The following TBC1D5 variants were observed in gnomAD, a reference collection of about 807,000 sequenced individuals.
The protein encoded by TBC1D5 is TBC1 domain family member 5, also known as TBC1 domain family, member 5.
In TBC1D5, 75 loss-of-function variants were observed where a neutral mutation model predicts 100.3. The ratio of observed to expected loss-of-function variants is 0.75; its 90% CI spans 0.62 to 0.91. TBC1D5 has a LOEUF of 0.91. TBC1D5 is among the 40% of genes least tolerant of loss of function. The pLI is 0.00. For synonymous variants in TBC1D5, 323 were observed against 325.6 expected, an observed-to-expected ratio of 0.99 and a Z score of 0.09; for missense variants, 910 against 942.4, an observed-to-expected ratio of 0.97 and a Z score of 0.45.
chr3:17,479,162 T>G (rs1169186974), intron 3 of TBC1D5, among the ~76,000 whole-genome samples: 1 of 152,118 alleles, frequency 6.6e-6, no homozygotes, highest in African/African-American at 2.4e-5. Flanking sequence ...GCTTTTGGGG[T>G]GGCAGAGGCA....
chr3:17,726,133 T>G (rs1054577969), intron 1 of TBC1D5, among the ~76,000 whole-genome samples: 1 of 152,232 alleles, frequency 6.6e-6, no homozygotes, highest in African/African-American at 2.4e-5. Context: ...ACATGTAAGT[T>G]GATTCCATGT....
chr3:17,511,569 GAAGAA>G (rs1345548751), intron 2 of TBC1D5, among the ~76,000 whole-genome samples: 1 of 151,926 alleles, frequency 6.6e-6, no homozygotes, highest in African/African-American at 2.4e-5. Flanking sequence ...TATGTTGTCA[GAAGAA>G]AATACTCTAC....
chr3:17,523,883 C>T (rs1447754264), intron 2 of TBC1D5, among the ~76,000 whole-genome samples: 1 of 152,018 alleles, frequency 6.6e-6, no homozygotes, highest in Non-Finnish European at 1.5e-5. Flanking sequence ...TAAAGAGAAA[C>T]ATAGTTTATC....
chr3:17,514,226 A>G (rs115515680), intron 2 of TBC1D5, among the ~76,000 whole-genome samples: 5,258 of 152,258 alleles, frequency 0.035, 123 homozygotes, highest in Non-Finnish European at 0.049. Flanking sequence ...TTTATTATTT[A>G]TTTACTCCAA....
At chr3:17,326,626 C>G (rs1054518916) in intron 13 of TBC1D5, among the ~76,000 whole-genome samples, 1 of 152,142 alleles carries the variant, frequency 6.6e-6, no homozygotes, top group African/African-American at 2.4e-5. Context: ...GTATTCACCA[C>G]GCCCTGCTAA....
intron 13 of TBC1D5, among the ~76,000 whole-genome samples, chr3:17,314,901 T>A (rs942191586): frequency 6.6e-6 from 1 of 152,204 alleles, no homozygotes; most frequent in African/African-American, 2.4e-5. Context: ...TCTGGAGGGA[T>A]GGTAAAAACA....
intron 18 of TBC1D5, among the ~76,000 whole-genome samples, chr3:17,192,185 G>A (rs947408123): frequency 1.3e-5 from 2 of 151,566 alleles, no homozygotes; most frequent in African/African-American, 2.4e-5. Context: ...TCATATTTTT[G>A]TAATAAGAAA....
At chr3:17,555,155 T>A (rs528733147) in intron 2 of TBC1D5, among the ~76,000 whole-genome samples, 1 of 149,970 alleles carries the variant, frequency 6.7e-6, no homozygotes, top group Non-Finnish European at 1.5e-5. Flanking sequence ...GGCCTTGTGC[T>A]TTTTTTTTTC....
chr3:17,620,617 T>C (rs1471451062), intron 2 of TBC1D5, among the ~76,000 whole-genome samples: 1 of 152,236 alleles, frequency 6.6e-6, no homozygotes, highest in Non-Finnish European at 1.5e-5. Context: ...CTCTGCGTTA[T>C]CTTTATAAAA....
chr3:17,598,780 G>A (rs1463090972), intron 2 of TBC1D5, among the ~76,000 whole-genome samples: 3 of 152,154 alleles, frequency 2.0e-5, no homozygotes, highest in African/African-American at 7.2e-5. Context: ...AAATGACTCA[G>A]TAATTTAGAT....
chr3:17,738,796 T>C (rs1422357241), intron 1 of TBC1D5, among the ~76,000 whole-genome samples: 3 of 152,234 alleles, frequency 2.0e-5, no homozygotes, highest in Non-Finnish European at 4.4e-5. Context: ...AAGAGAGAAT[T>C]TGGGACAATC....
At chr3:17,677,897 CA>C (rs1282850416) in intron 1 of TBC1D5, among the ~76,000 whole-genome samples, 1 of 151,838 alleles carries the variant, frequency 6.6e-6, no homozygotes, top group East Asian at 1.9e-4. Flanking sequence ...ATCACAAGGT[CA>C]AAAAAACCAA....
chr3:17,391,100 G>C (rs2093338113), intron 8 of TBC1D5, among the ~76,000 whole-genome samples: 1 of 152,092 alleles, frequency 6.6e-6, no homozygotes, highest in African/African-American at 2.4e-5. Context: ...GAATGAAAAA[G>C]AACATGGGGA....
At chr3:17,577,430 C>A (rs542582377) in intron 2 of TBC1D5, among the ~76,000 whole-genome samples, 1 of 152,040 alleles carries the variant, frequency 6.6e-6, no homozygotes, top group South Asian at 2.1e-4. Context: ...AGGTAAACAT[C>A]CACACAAGCA....
At chr3:17,666,693 TA>T (rs2067294757) in intron 1 of TBC1D5, among the ~76,000 whole-genome samples, 1 of 152,118 alleles carries the variant, frequency 6.6e-6, no homozygotes. Context: ...GATTTCTTAG[TA>T]AAATCAATTT....
In TBC1D5 at chr3:17,529,341, G is replaced by A. The variant is rs568255664; in HGVS notation, c.-35-20736C>T. 8.3e-4 allele frequency among the ~76,000 whole-genome samples: 126 copies of A among 152,190 alleles called. 2 individuals carry two copies. The highest frequency in any genetic ancestry group is 1.3e-3 in the Admixed American group (20 of 15,302). On this transcript the variant is annotated intron_variant, in intron 2 of 21. Transcript: ENST00000253692. ...CTTCAGCTTGCAATATCTCTGTCCC[G>A]ATTTGCCTGGGGAATAAAACATATA...
At chr3:17,362,473 C>T (rs959256071) in intron 13 of TBC1D5, among the ~76,000 whole-genome samples, 4 of 151,620 alleles carry the variant, frequency 2.6e-5, no homozygotes, top group Non-Finnish European at 5.9e-5. Context: ...ATGTAAGACA[C>T]GTAGACTGAC....
Position 17,484,492 on chromosome 3 carries a change from G to A in TBC1D5, c.97+23982C>T, listed in dbSNP as rs542971137. 1.1e-3 allele frequency among the ~76,000 whole-genome samples: 165 copies of A among 148,408 alleles called. 1 individual carries two copies. The highest frequency in any genetic ancestry group is 3.8e-3 in the African/African-American group (150 of 39,778). On this transcript the variant is annotated intron_variant, in intron 3 of 21. Coordinates refer to ENST00000253692, the Ensembl canonical transcript of TBC1D5. ...TGTGTGTGTGTGTGTGTGTGTGTTT[G>A]GGTAACAATCATAATTACTCAAAGC...
chr3:17,550,146 G>A (rs1242581214), intron 2 of TBC1D5, among the ~76,000 whole-genome samples: 2 of 152,086 alleles, frequency 1.3e-5, no homozygotes, highest in African/African-American at 2.4e-5. Context: ...TTCTGTTTAC[G>A]TGGATAAATG....
Sources: allele counts gnomAD v4.1 joint callset (sites outside exome capture counted in the v4.1 genomes callset), GRCh38; gene constraint gnomAD v4.1.1; transcripts MANE v1.5; gene names NCBI Gene and HGNC (gene_info 2026-07-23, HGNC 2026-07-21).